The following RABGAP1 variants were observed in gnomAD, a reference collection of about 807,000 sequenced individuals.
The protein encoded by RABGAP1 is rab GTPase-activating protein 1.
In RABGAP1, 23 loss-of-function variants were observed where a neutral mutation model predicts 137.6. The observed-to-expected ratio is 0.17, with a 90% CI of 0.12 to 0.24. The LOEUF (loss-of-function observed/expected upper bound fraction) is 0.24, where lower values mean the gene tolerates loss of function less well. Ranked by LOEUF, RABGAP1 falls within the 10% of genes least tolerant of loss-of-function variation. RABGAP1 has a pLI of 1.00. For synonymous variants in RABGAP1, 451 were observed against 450.7 expected (o/e 1.00, Z -0.01); for missense variants, 906 against 1,275.8 (o/e 0.71, Z 4.42).
intron 9 of RABGAP1, 68 bp downstream of exon 9, chr9:122,997,429 C>G: frequency 1.9e-6 from 2 of 1,078,960 alleles, no homozygotes; most frequent in African/African-American, 3.2e-5. Flanking sequence ...ACTAAGGACC[C>G]CTTCTTTGAC....
At chr9:122,954,582 CAG>C (rs1267789216) in intron 1 of RABGAP1, among the ~76,000 whole-genome samples, 1 of 152,054 alleles carries the variant, frequency 6.6e-6, no homozygotes, top group African/African-American at 2.4e-5. Context: ...TGTCTGAGAC[CAG>C]AGCTTTAGAC....
At chr9:122,976,474 A>G (rs1835766552) in intron 2 of RABGAP1, among the ~76,000 whole-genome samples, 1 of 152,208 alleles carries the variant, frequency 6.6e-6, no homozygotes, top group African/African-American at 2.4e-5. Flanking sequence ...GCTCAGAATA[A>G]TGAAAACAGA....
chr9:123,074,930 T>G (rs1442580226), intron 17 of RABGAP1, among the ~76,000 whole-genome samples: 1 of 152,164 alleles, frequency 6.6e-6, no homozygotes, highest in Non-Finnish European at 1.5e-5. Flanking sequence ...AGAACTTAGT[T>G]ACATGACCAC....
chr9:123,095,835 T>G (rs2035167964), intron 21 of RABGAP1, among the ~76,000 whole-genome samples: 1 of 152,258 alleles, frequency 6.6e-6, no homozygotes. Flanking sequence ...TACAAGTTTA[T>G]TAGTAGTATG....
At chr9:123,079,056 A>G (rs1308995419) in intron 19 of RABGAP1, among the ~76,000 whole-genome samples, 1 of 152,156 alleles carries the variant, frequency 6.6e-6, no homozygotes, top group Non-Finnish European at 1.5e-5. Context: ...ATGCAATTAT[A>G]CGGATTTTCC....
At chr9:123,089,892 T>C in intron 20 of RABGAP1, 42 bp downstream of exon 20, 1 of 1,504,720 alleles carries the variant, frequency 6.6e-7, no homozygotes, top group Non-Finnish European at 9.2e-7. Flanking sequence ...CTCCCATGCT[T>C]TCATTTCATA....
At chr9:123,025,661 A>G (rs532672686) in intron 13 of RABGAP1, among the ~76,000 whole-genome samples, 1 of 150,536 alleles carries the variant, frequency 6.6e-6, no homozygotes, top group African/African-American at 2.4e-5. Context: ...CAGCAAATGG[A>G]ATAGTTTTGT....
intron 13 of RABGAP1, among the ~76,000 whole-genome samples, chr9:123,050,930 A>G (rs957250490): frequency 7.9e-5 from 12 of 152,178 alleles, no homozygotes; most frequent in African/African-American, 2.7e-4. Flanking sequence ...CAAAGTTTCA[A>G]TAGCAGGGTT....
At chr9:123,008,309 C>G (rs1052887302) in intron 10 of RABGAP1, among the ~76,000 whole-genome samples, 1 of 151,796 alleles carries the variant, frequency 6.6e-6, no homozygotes, top group Non-Finnish European at 1.5e-5. Flanking sequence ...TCTGTAATCC[C>G]AACACTTTGG....
chr9:123,033,024 CAG>C (rs1263551422), intron 13 of RABGAP1, among the ~76,000 whole-genome samples: 1 of 152,128 alleles, frequency 6.6e-6, no homozygotes, highest in Non-Finnish European at 1.5e-5. Flanking sequence ...AATATGGGAA[CAG>C]TGTAATTTAT....
chr9:122,992,131 G>A (rs775505026), intron 6 of RABGAP1, among the ~76,000 whole-genome samples: 36 of 151,824 alleles, frequency 2.4e-4, no homozygotes, highest in Non-Finnish European at 4.6e-4. Context: ...CTGTCTCCCA[G>A]GTTCAAGCAA....
At chr9:123,095,064 C>G (rs1332319226) in intron 21 of RABGAP1, among the ~76,000 whole-genome samples, 1 of 151,606 alleles carries the variant, frequency 6.6e-6, no homozygotes, top group Non-Finnish European at 1.5e-5. Context: ...TTAGCCTGGG[C>G]AACATGGCAA....
chr9:122,945,662 G>A (rs1833909193), intron 1 of RABGAP1, among the ~76,000 whole-genome samples: 1 of 152,112 alleles, frequency 6.6e-6, no homozygotes, highest in Non-Finnish European at 1.5e-5. Context: ...TCCTGTTAAG[G>A]TTGCATCAGC....
At chr9:123,019,076 AC>A (rs920283319) in intron 12 of RABGAP1, among the ~76,000 whole-genome samples, 8 of 152,218 alleles carry the variant, frequency 5.3e-5, no homozygotes, top group African/African-American at 1.9e-4. Context: ...CAAATAAGAT[AC>A]TGTATGCAGA....
At chr9:122,996,922 G>T (rs937436975) in intron 8 of RABGAP1, 1 of 486,886 alleles carries the variant, frequency 2.1e-6, no homozygotes, top group Non-Finnish European at 3.8e-6. Flanking sequence ...CTTACCAATA[G>T]TAGGAGTTAT....
At chr9:123,010,061 A>ACAATATGGTTTGAAGACAAAC (rs1397179429) in intron 10 of RABGAP1, among the ~76,000 whole-genome samples, 12 of 152,162 alleles carry the variant, frequency 7.9e-5, no homozygotes, top group Admixed American at 1.3e-4. Flanking sequence ...TGGATACTTG[A>ACAATATGGTTTGAAGACAAAC]CAATATGGTT....
chr9:123,012,576 G>C (rs2030896262), intron 11 of RABGAP1, among the ~76,000 whole-genome samples: 1 of 152,192 alleles, frequency 6.6e-6, no homozygotes, highest in South Asian at 2.1e-4. Flanking sequence ...GGGTTCAGAA[G>C]GCCTCTACTG....
At chr9:123,032,406 C>T (rs980601350) in intron 13 of RABGAP1, among the ~76,000 whole-genome samples, 2 of 152,184 alleles carry the variant, frequency 1.3e-5, no homozygotes, top group Admixed American at 1.3e-4. Context: ...GCTCTGTTTC[C>T]CAATAAGACC....
intron 1 of RABGAP1, among the ~76,000 whole-genome samples, chr9:122,948,461 T>C (rs965316129): frequency 2.0e-5 from 3 of 152,190 alleles, no homozygotes; most frequent in African/African-American, 7.2e-5. Context: ...TTGTCTGTCA[T>C]ATGAACTTAA....
Sources: allele counts gnomAD v4.1 joint callset (sites outside exome capture counted in the v4.1 genomes callset), GRCh38; gene constraint gnomAD v4.1.1; transcripts MANE v1.5; gene names NCBI Gene and HGNC (gene_info 2026-07-23, HGNC 2026-07-21).